Variants in CSAD observed in about 807,000 individuals in gnomAD.
CSAD encodes cysteine sulfinic acid decarboxylase, also known as P-selectin cytoplasmic tail-associated protein.
Under a neutral mutation model 61.5 loss-of-function variants are expected in CSAD, and 47 were observed. That is an observed-to-expected ratio of 0.76 (90% CI 0.60 to 0.97). The LOEUF is 0.97. CSAD is among the 50% of genes least tolerant of loss of function. CSAD has a pLI of 0.00. For missense variants in CSAD, 611 were observed against 643.6 expected (o/e 0.95, Z 0.55); for synonymous variants, 245 against 252.7 (o/e 0.97, Z 0.29).
chr12:53,160,870 T>C (rs1409792101), intron 12 of CSAD, 26 bp from the exon 13 acceptor site: 1 of 1,543,492 alleles, frequency 6.5e-7, no homozygotes, highest in Non-Finnish European at 8.8e-7. Flanking sequence ...CAAAGGCAGG[T>C]CAGTGGCTCC....
chr12:53,165,963 A>C (rs1434912511), intron 10 of CSAD, among the ~76,000 whole-genome samples: 1 of 152,244 alleles, frequency 6.6e-6, no homozygotes, highest in Non-Finnish European at 1.5e-5. Flanking sequence ...AGCCTTAAAA[A>C]GGAAGAAAAT....
rs1938757720 is a variant in CSAD, at chr12:53,158,077, G to A, written c.*434C>T. The A allele has an allele frequency of 1.3e-5, 2 of 152,434 alleles. No homozygotes were observed. The highest frequency in any genetic ancestry group is 2.9e-5 in the Non-Finnish European group (2 of 68,276). The allele number at this position is 152,434 out of a possible 1,614,324, so 9.4% of individuals were successfully genotyped here. A position where few individuals can be genotyped will look rare whatever the true frequency, so the allele number is the denominator to read the frequency against. The stretch of plus-strand genomic sequence containing the variant: ...CTCCTAAAATCAAATATTTAGTTAG[G>A]AGAAAGTTAGTAGGTCAAAGCATAT... On this transcript the variant is annotated 3_prime_UTR_variant, in exon 17 of 17. Transcript: ENST00000444623.
At chr12:53,170,266 C>T (rs917305571) in intron 9 of CSAD, 140 bp from the exon 10 acceptor site, 17 of 980,098 alleles carry the variant, frequency 1.7e-5, no homozygotes, top group Admixed American at 4.0e-5. Flanking sequence ...AGGTGGGAGA[C>T]GCTGGCAGGC....
At chr12:53,160,061 G>A (rs2121382354) in intron 14 of CSAD, 59 bp downstream of exon 14, 1 of 1,604,216 alleles carries the variant, frequency 6.2e-7, no homozygotes, top group Admixed American at 1.7e-5. Context: ...CAGGAAAGAG[G>A]GAGGGGCATG....
rs1417258357 is a variant in CSAD, at chr12:53,160,854, G to A, written c.885-10C>T. On this transcript the variant is annotated splice_polypyrimidine_tract_variant and intron_variant, in intron 12 of 16. Coordinates refer to ENST00000444623, the MANE Select transcript of CSAD (RefSeq NM_001244705.2). The stretch of plus-strand genomic sequence containing the variant: ...GGCCACAGAGTCAGCCCTGGATGGG[G>A]TGGAGCAAAGGCAGGTCAGTGGCTC... 1 of 1,551,302 alleles carries A rather than the reference G, an allele frequency of 6.4e-7. No homozygotes were observed. Among genetic ancestry groups the A allele is most frequent in the African/African-American group, 1.4e-5 (1 of 73,018 alleles).
intron 2 of CSAD, chr12:53,178,507 T>C (rs1486882161): frequency 1.2e-5 from 4 of 339,436 alleles, no homozygotes; most frequent in African/African-American, 2.2e-5. Flanking sequence ...AGAATGAAAA[T>C]AGGGCCGGGT....
intron 16 of CSAD, 170 bp downstream of exon 16, chr12:53,159,453 G>T (rs904861371): frequency 1.6e-5 from 10 of 621,888 alleles, no homozygotes; most frequent in Non-Finnish European, 2.6e-5. Context: ...TTACTTCCCA[G>T]AAACATACCT....
At chr12:53,163,265 G>A (rs1939524599) in intron 10 of CSAD, among the ~76,000 whole-genome samples, 1 of 151,990 alleles carries the variant, frequency 6.6e-6, no homozygotes, top group Non-Finnish European at 1.5e-5. Context: ...CTACCACAGT[G>A]GGAGTCTGAG....
intron 13 of CSAD, 92 bp downstream of exon 13, chr12:53,160,671 T>G: frequency 1.8e-6 from 2 of 1,124,438 alleles, no homozygotes; most frequent in Non-Finnish European, 2.6e-6. Flanking sequence ...GTAAAGAGAA[T>G]AGAGAAAGGC....
At chr12:53,161,240 C>G (rs1222692953) in intron 11 of CSAD, 33 bp downstream of exon 11, 1 of 1,613,406 alleles carries the variant, frequency 6.2e-7, no homozygotes, top group Non-Finnish European at 8.5e-7. Flanking sequence ...CTCAGCCCAC[C>G]CCACCGCACC....
At chr12:53,172,206 T>A (rs1409720719) in intron 6 of CSAD, 140 bp downstream of exon 6, 1 of 873,096 alleles carries the variant, frequency 1.1e-6, no homozygotes, top group Admixed American at 2.1e-5. Flanking sequence ...CCAAAGGATA[T>A]GAGGAAAAAC....
intron 2 of CSAD, chr12:53,173,991 G>A (rs997757090): frequency 1.8e-6 from 1 of 559,520 alleles, no homozygotes; most frequent in Admixed American, 3.1e-5. Flanking sequence ...GATTTGTCTA[G>A]TCTGGCCATT....
At chr12:53,172,088 T>G in intron 6 of CSAD, 100 bp from the exon 7 acceptor site, 1 of 839,972 alleles carries the variant, frequency 1.2e-6, no homozygotes, top group Non-Finnish European at 1.9e-6. Context: ...CAGTGAAGAG[T>G]GAGCAAAGCA....
chr12:53,179,978 C>G lies in CSAD; in HGVS notation c.-91+754G>C. 5.3e-6 allele frequency: 8 copies of G among 1,508,952 alleles called. No individual in the cohort carries two copies. In the East Asian group the frequency reaches 1.8e-4, roughly 35 times the overall value. The allele number at this position is 1,508,952 out of a possible 1,614,324, so 93.5% of individuals were successfully genotyped here. ...TCTACTGTGGGAGTCAGGGTCTTTTCCACGTGTGGAGGCTAGTGTTTGATG... is the reference window on the plus strand; with the variant it reads ...TCTACTGTGGGAGTCAGGGTCTTTTGCACGTGTGGAGGCTAGTGTTTGATG... On this transcript the variant is annotated intron_variant, in intron 1 of 16. Coordinates refer to ENST00000444623, the MANE Select transcript of CSAD (RefSeq NM_001244705.2).
At chr12:53,173,263 G>A in intron 4 of CSAD, 82 bp downstream of exon 4, 2 of 1,204,886 alleles carry the variant, frequency 1.7e-6, no homozygotes, top group South Asian at 1.4e-5. Flanking sequence ...AAGGGGGGGG[G>A]AGAAAGAAAA....
chr12:53,177,023 G>A (rs975163347), intron 2 of CSAD, among the ~76,000 whole-genome samples: 46 of 152,116 alleles, frequency 3.0e-4, no homozygotes, highest in African/African-American at 1.0e-3. Flanking sequence ...GAGCCACCTC[G>A]CCTGGCCAAA....
chr12:53,168,667 A>G (rs1049487871), intron 10 of CSAD, among the ~76,000 whole-genome samples: 1 of 152,226 alleles, frequency 6.6e-6, no homozygotes, highest in African/African-American at 2.4e-5. Flanking sequence ...AATAATAGTA[A>G]TAAATAATAA....
At chr12:53,158,802 G>A in intron 16 of CSAD, 118 bp from the exon 17 acceptor site, 1 of 900,692 alleles carries the variant, frequency 1.1e-6, no homozygotes, top group Non-Finnish European at 1.7e-6. Context: ...CACCTTCTGG[G>A]GGTAGCACAC....
chr12:53,176,079 G>A (rs1941079298), intron 2 of CSAD, among the ~76,000 whole-genome samples: 1 of 149,566 alleles, frequency 6.7e-6, no homozygotes, highest in African/African-American at 2.5e-5. Flanking sequence ...GACAGAAACT[G>A]AAAATATACA....
Sources: allele counts gnomAD v4.1 joint callset (sites outside exome capture counted in the v4.1 genomes callset), GRCh38; gene constraint gnomAD v4.1.1; transcripts MANE v1.5; gene names NCBI Gene and HGNC (gene_info 2026-07-23, HGNC 2026-07-21).